MAPRE1: variants seen among roughly 807,000 people sequenced by gnomAD.
MAPRE1 encodes microtubule-associated protein RP/EB family member 1.
MAPRE1 carries 5 observed loss-of-function variants against 32.1 expected under a neutral mutation model. The observed-to-expected ratio is 0.16, with a 90% confidence interval of 0.08 to 0.33. The LOEUF is 0.33. Ranked by LOEUF, MAPRE1 falls within the 10% of genes least tolerant of loss-of-function variation. The pLI is 1.00. For synonymous variants in MAPRE1, 122 were observed against 118.9 expected (o/e 1.03, Z -0.17); for missense variants, 209 against 327.2 (o/e 0.64, Z 2.79).
chr20:32,831,735 A>G (rs963401343), intron 2 of MAPRE1, among the ~76,000 whole-genome samples: 2 of 151,926 alleles, frequency 1.3e-5, no homozygotes, highest in East Asian at 1.9e-4. Flanking sequence ...GGATTTCATC[A>G]TGTTGGTCAG....
intron 1 of MAPRE1, among the ~76,000 whole-genome samples, chr20:32,823,025 A>G (rs57108739): frequency 2.0e-5 from 3 of 152,218 alleles, no homozygotes; most frequent in Non-Finnish European, 2.9e-5. Flanking sequence ...TTATATAGAC[A>G]CATTTTTCTC....
chr20:32,844,834 T>C (rs1041646273), intron 5 of MAPRE1, among the ~76,000 whole-genome samples: 30 of 152,350 alleles, frequency 2.0e-4, no homozygotes, highest in Middle Eastern at 3.4e-3. Context: ...CTGAGTCTGC[T>C]TCCCGCTGGG....
rs148954770 is a variant in MAPRE1, at chr20:32,833,832, A to G, written c.237A>G (p.Gln79=). The change falls in exon 3 of 7, where the codon CAA becomes CAG. Residue 79 remains glutamine, a synonymous_variant. Coordinates refer to ENST00000375571, the MANE Select transcript of MAPRE1 (RefSeq NM_012325.3). ...HEYIQNFKIL[Q]AGFKRMGVDK... ...ACATCCAGAACTTCAAAATACTACA[A>G]GCAGGTTTTAAGAGAATGGGTGTTG... The G allele has an allele frequency of 1.3e-5, 21 of 1,613,914 alleles. No homozygotes were observed. The highest frequency in any genetic ancestry group is 9.3e-5 in the African/African-American group (7 of 74,936).
chr20:32,848,893 A>G lies in MAPRE1; in HGVS notation c.*165A>G, dbSNP rs934404991. On this transcript the variant is annotated 3_prime_UTR_variant, in exon 7 of 7. Coordinates refer to ENST00000375571, the MANE Select transcript of MAPRE1 (RefSeq NM_012325.3). ...TTGCAGACGTTTCACTCCTTTTCCA[A>G]TAAGTTTGAGTTAGGAGCTTTTACC... 1.1e-5 allele frequency: 6 copies of G among 549,614 alleles called. No individual in the cohort carries two copies. The highest frequency in any genetic ancestry group is 1.9e-5 in the African/African-American group (1 of 52,082). The allele number at this position is 549,614 out of a possible 1,614,324, so 34.0% of individuals were successfully genotyped here. A position where few individuals can be genotyped will look rare whatever the true frequency, so the allele number is the denominator to read the frequency against.
chr20:32,833,701 GC>G lies in MAPRE1; in HGVS notation c.122-14del, dbSNP rs779824826. 4.6e-5 allele frequency: 74 copies of G among 1,600,948 alleles called. 2 individuals carry two copies. The South Asian group carries it at 8.0e-4, about 17-fold the overall frequency. ...GCTTCTTTAATTGTATTTTTCTGTT[GC>G]CGTTGTTCTTTCAGGGGCTGCGTAT... is the stretch of plus-strand genomic sequence containing the variant. On this transcript the variant is annotated splice_polypyrimidine_tract_variant and intron_variant, in intron 2 of 6. Transcript: ENST00000375571.
chr20:32,840,825 T>C (rs1457308729), intron 5 of MAPRE1, among the ~76,000 whole-genome samples: 1 of 152,244 alleles, frequency 6.6e-6, no homozygotes, highest in Non-Finnish European at 1.5e-5. Context: ...TTTTTTATTT[T>C]CTTTTTTTGA....
chr20:32,831,326 A>G (rs773700150), intron 2 of MAPRE1, among the ~76,000 whole-genome samples: 2 of 152,150 alleles, frequency 1.3e-5, no homozygotes, highest in Non-Finnish European at 2.9e-5. Flanking sequence ...ATAAAAGTCT[A>G]TCAGGAGGAC....
rs909343089 is a variant in MAPRE1 at position 32,838,368 on chromosome 20, C to G, written c.476-1367C>G. ...ATAATATTCCATTGCATGCCTATACCTCATTTGATTCAGCAGTTCATGGTC... is the reference window on the plus strand; with the variant it reads ...ATAATATTCCATTGCATGCCTATACGTCATTTGATTCAGCAGTTCATGGTC... On this transcript the variant is annotated intron_variant, in intron 4 of 6. Coordinates refer to ENST00000375571, the MANE Select transcript of MAPRE1 (RefSeq NM_012325.3). Among the ~76,000 whole-genome samples the G allele has an allele frequency of 5.9e-4, 90 of 152,192 alleles. 2 individuals carry two copies. Among genetic ancestry groups the G allele is most frequent in the Non-Finnish European group, 1.6e-4 (11 of 68,002 alleles).
In MAPRE1 at chr20:32,835,467, G is replaced by A. The variant is rs1482628806; in HGVS notation, c.268-1167G>A. Among the ~76,000 whole-genome samples, 5 of 149,614 alleles carry A rather than the reference G, an allele frequency of 3.3e-5. No individual in the cohort carries two copies. In the South Asian group the frequency reaches 1.1e-3, roughly 32 times the overall value. ...AGATAGCTAGGATTGCAGGTGGGCA[G>A]CCCTGCCCCCAGCAAGCATGTTTTA... is the stretch of plus-strand genomic sequence containing the variant. On this transcript the variant is annotated intron_variant, in intron 3 of 6. Transcript: ENST00000375571.
rs1422119098 is a variant in MAPRE1 at position 32,833,757 on chromosome 20, C to T, written c.162C>T (p.Gly54=). Residue 54 remains glycine (G), a synonymous_variant, in exon 3 of 7, where the codon GGC becomes GGT. Coordinates refer to ENST00000375571, the MANE Select transcript of MAPRE1 (RefSeq NM_012325.3). ...AGTTTATGGACATGCTGTTCCCTGG[C>T]TCCATTGCCTTGAAGAAAGTGAAAT... ...YCQFMDMLFP[G]SIALKKVKFQ... is the part of the protein sequence containing the mutation. 6.2e-7 allele frequency: 1 copy of T among 1,613,970 alleles called. No individual in the cohort carries two copies. Among genetic ancestry groups the T allele is most frequent in the Non-Finnish European group, 8.5e-7 (1 of 1,179,962 alleles).
At chr20:32,827,720 C>T (rs1249975525) in intron 2 of MAPRE1, among the ~76,000 whole-genome samples, 1 of 151,892 alleles carries the variant, frequency 6.6e-6, no homozygotes, top group African/African-American at 2.4e-5. Context: ...CATAGTGAAG[C>T]CCCGTCTCTG....
At chr20:32,829,494 G>A (rs1982959741) in intron 2 of MAPRE1, among the ~76,000 whole-genome samples, 1 of 152,204 alleles carries the variant, frequency 6.6e-6, no homozygotes. Context: ...CCAGGGGTTT[G>A]GAGTCAGAGA....
intron 2 of MAPRE1, among the ~76,000 whole-genome samples, chr20:32,830,228 G>A (rs188804191): frequency 3.0e-4 from 45 of 152,146 alleles, no homozygotes; most frequent in Middle Eastern, 3.4e-3. Context: ...TTAATGTGGG[G>A]CCCCGACAGC....
At chr20:32,832,245 G>A (rs1411665777) in intron 2 of MAPRE1, among the ~76,000 whole-genome samples, 2 of 152,190 alleles carry the variant, frequency 1.3e-5, no homozygotes, top group Non-Finnish European at 2.9e-5. Context: ...CACTGGTTTA[G>A]CTTCCCAAGC....
chr20:32,841,678 C>T (rs1455625760), intron 5 of MAPRE1, among the ~76,000 whole-genome samples: 1 of 145,462 alleles, frequency 6.9e-6, no homozygotes, highest in East Asian at 2.1e-4. Context: ...CATGTGTTCT[C>T]ATCCGCTCAG....
chr20:32,837,284 C>T (rs961478809), intron 4 of MAPRE1, among the ~76,000 whole-genome samples: 3 of 147,448 alleles, frequency 2.0e-5, no homozygotes, highest in African/African-American at 7.5e-5. Context: ...CTCTCAGGGA[C>T]TGCTCTTGGC....
intron 1 of MAPRE1, 121 bp from the exon 2 acceptor site, chr20:32,825,789 CAAAATAAAATAAAAT>C (rs201982572): frequency 1.6e-6 from 1 of 626,988 alleles, no homozygotes. Flanking sequence ...GACTCTGTCT[CAAAATAAAATAAAAT>C]AAAATAAAAT....
intron 1 of MAPRE1, among the ~76,000 whole-genome samples, chr20:32,821,843 G>C (rs1455107560): frequency 6.6e-6 from 1 of 152,200 alleles, no homozygotes; most frequent in Non-Finnish European, 1.5e-5. Context: ...TCCTGGGTAG[G>C]TTTGAGGGAG....
rs116531406 is a variant in MAPRE1 at position 32,826,857 on chromosome 20, T to A, written c.121+809T>A. 3.8e-3 allele frequency among the ~76,000 whole-genome samples: 577 copies of A among 152,110 alleles called. 2 individuals carry two copies. The highest frequency in any genetic ancestry group is 0.013 in the African/African-American group (545 of 41,502). On this transcript the variant is annotated intron_variant, in intron 2 of 6. Transcript: ENST00000375571. ...TAAAGAGTGTGCTCTGGCCTGCAGG[T>A]CCACCATCTTCTGCTCTAGAGACTG...
Sources: gnomAD v4.1 joint callset for allele counts (sites outside exome capture counted in the v4.1 genomes callset) on GRCh38, gnomAD v4.1.1 for gene constraint, MANE v1.5 for transcripts, NCBI Gene and HGNC (gene_info 2026-07-23, HGNC 2026-07-21) for gene names.